The following SETD1A variants were observed in gnomAD, a reference collection of about 807,000 sequenced individuals.
SETD1A encodes SET domain containing 1A, histone lysine methyltransferase.
Under a neutral mutation model 149.9 loss-of-function variants are expected in SETD1A, and 29 were observed. The ratio of observed to expected loss-of-function variants is 0.19; its 90% confidence interval spans 0.14 to 0.26. The LOEUF (loss-of-function observed/expected upper bound fraction) is 0.26, where lower values mean the gene tolerates loss of function less well. Among genes scored for constraint, SETD1A ranks in the 10% least tolerant of loss-of-function variants. The pLI is 1.00. For missense variants in SETD1A, 2,109 were observed against 2,353.1 expected, an observed-to-expected ratio of 0.90 and a Z score of 2.15; for synonymous variants, 1,141 against 968.5, an observed-to-expected ratio of 1.18 and a Z score of -3.31.
intron 13 of SETD1A, among the ~76,000 whole-genome samples, chr16:30,978,844 T>C (rs1289148916): frequency 1.3e-5 from 2 of 152,172 alleles, no homozygotes; most frequent in African/African-American, 2.4e-5. Flanking sequence ...TCAGCGTGGT[T>C]ACAGCTTGTT....
Position 30,979,988 on chromosome 16 carries a change from G to GCCCCCCCCACCCCCCC in SETD1A, c.4204_4205insCCCCCCACCCCCCCCC (p.Arg1402ProfsTer24). The GCCCCCCCCACCCCCCC allele has an allele frequency of 6.7e-7, 1 of 1,494,256 alleles. No homozygotes were observed. The allele number at this position is 1,494,256 out of a possible 1,614,324, so 92.6% of individuals were successfully genotyped here. On this transcript the variant is annotated frameshift_variant, in exon 14 of 19. Transcript: ENST00000262519. LOFTEE classifies it high-confidence loss of function. Reference sequence around the variant, plus strand: ...AGCCTCCGCTCCCACGCCCGGCGCCGCCGCCCTCCGCCCCCACCCCCGCCG... The same window carrying GCCCCCCCCACCCCCCC: ...AGCCTCCGCTCCCACGCCCGGCGCCGCCCCCCCCACCCCCCCCCGCCCTCCGCCCCCACCCCCGCCG...
chr16:30,973,733 A>C (rs1289819813), intron 13 of SETD1A, among the ~76,000 whole-genome samples: 1 of 152,092 alleles, frequency 6.6e-6, no homozygotes, highest in Non-Finnish European at 1.5e-5. Context: ...CCGTGGTCTG[A>C]GATAGGCAGT....
rs190360691 is a variant in SETD1A, at chr16:30,980,991, G to A, written c.4693-70G>A. 392 of 1,599,450 alleles carry A rather than the reference G, an allele frequency of 2.5e-4. 9 individuals carry two copies. The African/African-American group carries it at 4.7e-3, about 19-fold the overall frequency. On this transcript the variant is annotated intron_variant, in intron 16 of 18. Transcript: ENST00000262519. The surrounding 1 kb of genome is among the most constrained non-coding windows in gnomAD (Gnocchi z 7.7). The stretch of plus-strand genomic sequence containing the variant: ...AGCCAGAACACCCTCTGCCCAGGAA[G>A]TCTGTGGGAAGAGTGAGGGTCTGGG...
At chr16:30,968,497 C>T (rs11640961) in intron 10 of SETD1A, among the ~76,000 whole-genome samples, 49,441 of 151,120 alleles carry the variant, frequency 0.33, 10,694 homozygotes, top group East Asian at 0.9. Flanking sequence ...TATACACACA[C>T]ATATGCGTAT....
At position 30,964,786 on chromosome 16, in the gene SETD1A, C is replaced by T. The variant is rs779294715; in HGVS notation, c.1044C>T (p.Ser348=). 37 of 1,613,978 alleles carry T rather than the reference C, an allele frequency of 2.3e-5. No individual in the cohort carries two copies. Among genetic ancestry groups the T allele is most frequent in the East Asian group, 6.7e-5 (3 of 44,898 alleles). ...SASSSSLSSS[S]SSSSSSSSSQ... ...CTTCCTCCTCATTGTCCTCGTCCTC[C>T]TCGTCATCCTCTTCCTCCTCGTCCT... is the stretch of plus-strand genomic sequence containing the variant. Residue 348 remains serine, a synonymous_variant, in exon 7 of 19, where the codon TCC becomes TCT. Transcript: ENST00000262519.
rs1407435472 is a variant in SETD1A, at chr16:30,979,564, G to T, written c.3778G>T (p.Ala1260Ser). Reference protein sequence around the residue: ...EVDLAVLADLALTPARRGLPA... With the variant: ...EVDLAVLADLSLTPARRGLPA... ...GGACCTGGCGGTCCTGGCCGACCTG[G>T]CCCTGACCCCTGCCCGGCGCGGGCT... The change falls in exon 14 of 19, where the codon GCC becomes TCC. Residue 1260 changes from alanine to serine, a missense_variant. This residue lies in a region of SETD1A where 832 missense variants were observed against 815.6 expected (regional missense o/e 1.02). Coordinates refer to ENST00000262519, the MANE Select transcript of SETD1A (RefSeq NM_014712.3). The T allele has an allele frequency of 6.8e-6, 11 of 1,609,872 alleles. No homozygotes were observed. The highest frequency in any genetic ancestry group is 1.3e-5 in the African/African-American group (1 of 74,914).
intron 3 of SETD1A, among the ~76,000 whole-genome samples, chr16:30,960,014 G>A (rs896156725): frequency 6.6e-6 from 1 of 152,074 alleles, no homozygotes; most frequent in Non-Finnish European, 1.5e-5. Flanking sequence ...CGACTCAGCT[G>A]TACAGCCTGG....
rs754173498 is a variant in SETD1A, at chr16:30,967,012, C to T, written c.2634C>T (p.Phe878=). 8.8e-6 allele frequency: 14 copies of T among 1,599,800 alleles called. No homozygotes were observed. The highest frequency in any genetic ancestry group is 6.8e-5 in the East Asian group (3 of 44,358). ...KSGGTTGIEA[F]AFGSGLRGAL... ...GGGGCACTACGGGCATCGAGGCTTT[C>T]GCCTTTGGGTCAGGGCTGAGAGGGG... The change falls in exon 9 of 19, where the codon TTC becomes TTT. Residue 878 remains phenylalanine, a synonymous_variant. Coordinates refer to ENST00000262519, the MANE Select transcript of SETD1A (RefSeq NM_014712.3).
intron 12 of SETD1A, 82 bp from the exon 13 acceptor site, chr16:30,971,296 A>C: frequency 7.1e-7 from 1 of 1,399,106 alleles, no homozygotes. Context: ...CCCAGCATCC[A>C]CAGCAGGGAG....
In SETD1A at chr16:30,961,968, T is replaced by A. The variant is rs1389672381; in HGVS notation, c.517+431T>A. On this transcript the variant is annotated intron_variant, in intron 4 of 18. Coordinates refer to ENST00000262519, the MANE Select transcript of SETD1A (RefSeq NM_014712.3). This position sits in a 1 kb window ranked among gnomAD's most constrained non-coding sequence, Gnocchi z 4.0. ...GGCTCAGCCACCCCAGCCTCCTGAG[T>A]AGCTGGGATTATGGGCATGCACCAC... is the stretch of plus-strand genomic sequence containing the variant. Among the ~76,000 whole-genome samples, 1 of 151,920 alleles carries A rather than the reference T, an allele frequency of 6.6e-6. No individual in the cohort carries two copies. The highest frequency in any genetic ancestry group is 2.4e-5 in the African/African-American group (1 of 41,326).
chr16:30,963,553 C>T lies in SETD1A; in HGVS notation c.638C>T (p.Thr213Met), dbSNP rs202159067. ...CAAGGCTCGGGTGCAGCCACTGAGA[C>T]GGTGAGAAGTTTGTGGCTACCACAG... is the stretch of plus-strand genomic sequence containing the variant. ...KFQGSGAATE[T>M]AESRRRSSSD... Residue 213 changes from threonine (T) to methionine (M), a missense_variant and splice_region_variant, in exon 5 of 19, where the codon ACG becomes ATG. Transcript: ENST00000262519. The T allele has an allele frequency of 6.3e-5, 102 of 1,611,062 alleles. No homozygotes were observed. The highest frequency in any genetic ancestry group is 8.0e-5 in the African/African-American group (6 of 74,724).
chr16:30,980,959 G>T lies in SETD1A; in HGVS notation c.4693-102G>T. 6.3e-7 allele frequency: 1 copy of T among 1,576,114 alleles called. No homozygotes were observed. Among genetic ancestry groups the T allele is most frequent in the African/African-American group, 1.3e-5 (1 of 74,436 alleles). On this transcript the variant is annotated intron_variant, in intron 16 of 18. Transcript: ENST00000262519. The surrounding 1 kb of genome is among the most constrained non-coding windows in gnomAD (Gnocchi z 7.7). ...GTGGTTCCCTCGGGTGGAGTTGGGG[G>T]GTAAGCAGCCAGAACACCCTCTGCC... is the stretch of plus-strand genomic sequence containing the variant.
intron 10 of SETD1A, among the ~76,000 whole-genome samples, chr16:30,968,842 C>T (rs568467035): frequency 5.3e-5 from 8 of 151,770 alleles, no homozygotes; most frequent in Admixed American, 4.6e-4. Flanking sequence ...CGATGGCTCA[C>T]GCCTATAATC....
chr16:30,964,348 C>A, intron 6 of SETD1A, 25 bp downstream of exon 6: 3 of 1,574,900 alleles, frequency 1.9e-6, no homozygotes, highest in Non-Finnish European at 2.6e-6. Context: ...CCGCCTGGGG[C>A]CCCGCCCGCA....
chr16:30,966,510 C>G (rs1046573595), intron 8 of SETD1A, 124 bp downstream of exon 8: 1 of 1,408,480 alleles, frequency 7.1e-7, no homozygotes, highest in Non-Finnish European at 9.4e-7. Flanking sequence ...AGGCCGCAGG[C>G]CCTGCAGGCC....
At position 30,957,774 on chromosome 16, in the gene SETD1A, C is replaced by T. The variant is rs927130790; in HGVS notation, c.-206C>T. On this transcript the variant is annotated 5_prime_UTR_variant, in exon 1 of 19. Transcript: ENST00000262519. ...GATTCGTCAAGGTCCCGGGCCGCAG[C>T]ATCTAGATCGTCGTGGCGAAGCCGA... 6.6e-6 allele frequency: 1 copy of T among 152,200 alleles called. No homozygotes were observed. The highest frequency in any genetic ancestry group is 1.5e-5 in the Non-Finnish European group (1 of 68,048). The allele number at this position is 152,200 out of a possible 1,614,324, so 9.4% of individuals were successfully genotyped here.
At position 30,964,281 on chromosome 16, in the gene SETD1A, G is replaced by A. The variant is rs200829181; in HGVS notation, c.827G>A (p.Arg276Gln). 41 of 1,613,872 alleles carry A rather than the reference G, an allele frequency of 2.5e-5. No homozygotes were observed. The highest frequency in any genetic ancestry group is 3.3e-5 in the Admixed American group (2 of 59,984). The part of the protein sequence containing the change: ...QSSQGTPYTS[R>Q]GSTPYSQDSA... ...TCCCAAGGAACCCCCTACACGTCTC[G>A]GGGCAGCACCCCCTACTCTCAGGAC... Residue 276 changes from arginine to glutamine, a missense_variant, in exon 6 of 19, where the codon CGG (arginine) becomes CAG (glutamine). Around this residue, in one of 8 missense-constraint regions of SETD1A, gnomAD observed 410 missense variants for 394.8 expected, o/e 1.04. Transcript: ENST00000262519.
In SETD1A at chr16:30,979,404, C is replaced by T. The variant is rs950872205; in HGVS notation, c.3618C>T (p.Thr1206=). 6.2e-7 allele frequency: 1 copy of T among 1,611,656 alleles called. No individual in the cohort carries two copies. Among genetic ancestry groups the T allele is most frequent in the African/African-American group, 1.3e-5 (1 of 74,908 alleles). ...SRKAPRGVER[T]IRNLPLDHAS... is the part of the protein sequence containing the mutation. ...AGGCTCCCCGGGGCGTGGAGCGGAC[C>T]ATCCGCAACCTGCCCCTGGACCACG... The change falls in exon 14 of 19, where the codon ACC becomes ACT. Residue 1206 remains threonine, a synonymous_variant. Coordinates refer to ENST00000262519, the MANE Select transcript of SETD1A (RefSeq NM_014712.3).
chr16:30,984,059 TC>T lies in SETD1A; in HGVS notation c.*41del. On this transcript the variant is annotated 3_prime_UTR_variant, in exon 19 of 19. Coordinates refer to ENST00000262519, the MANE Select transcript of SETD1A (RefSeq NM_014712.3). Reference sequence around the variant, plus strand: ...GATGGGTGCCCACACCCCTATTTATTCCCCCTGGTGCCCTGAGCTCCCAGCA... The same window carrying T: ...GATGGGTGCCCACACCCCTATTTATTCCCCTGGTGCCCTGAGCTCCCAGCA... 6.3e-7 allele frequency: 1 copy of T among 1,581,904 alleles called. No homozygotes were observed. The highest frequency in any genetic ancestry group is 8.6e-7 in the Non-Finnish European group (1 of 1,161,786).
Sources: gnomAD v4.1 joint callset for allele counts (sites outside exome capture counted in the v4.1 genomes callset) on GRCh38, gnomAD v4.1.1 for gene constraint, gnomAD v4.1.1 regional missense constraint, Gnocchi (gnomAD v3.1) non-coding constraint, MANE v1.5 for transcripts, NCBI Gene and HGNC (gene_info 2026-07-23, HGNC 2026-07-21) for gene names.